The following KIF4A variants were observed in gnomAD, a reference collection of about 807,000 sequenced individuals.
KIF4A encodes chromosome-associated kinesin KIF4A.
KIF4A carries 7 observed loss-of-function variants against 105.9 expected under a neutral mutation model. That is an observed-to-expected ratio of 0.07 (90% CI 0.04 to 0.12). The LOEUF (loss-of-function observed/expected upper bound fraction) is 0.12. Among genes scored for constraint, KIF4A ranks in the 10% least tolerant of loss-of-function variants. The probability of loss-of-function intolerance (pLI) is 1.00; values close to 1 mark genes in which losing one functional copy is unlikely to be tolerated. For missense variants in KIF4A, 558 were observed against 929.2 expected, an observed-to-expected ratio of 0.60 and a Z score of 5.19; for synonymous variants, 281 against 331.3, an observed-to-expected ratio of 0.85 and a Z score of 1.65.
Position 70,319,297 on chromosome X carries a change from C to T in KIF4A, c.779-10108C>T, listed in dbSNP as rs576383648. 1.3e-4 allele frequency among the ~76,000 whole-genome samples: 15 copies of T among 111,657 alleles called. No homozygotes were observed. In the South Asian group the frequency reaches 5.3e-3, roughly 39 times the overall value. The stretch of plus-strand genomic sequence containing the variant: ...AAAGAAAGAAAGAAATCCTTTAGTA[C>T]CTCAAGATCTTAACGATATTTTTTC... On this transcript the variant is annotated intron_variant, in intron 7 of 30. Transcript: ENST00000374403.
chrX:70,319,267 A>G (rs1209822228), intron 7 of KIF4A, among the ~76,000 whole-genome samples: 6 of 111,932 alleles, frequency 5.4e-5, no homozygotes, highest in South Asian at 3.8e-4. Context: ...CGTCTCAAAA[A>G]AAAGAAAGAA....
intron 9 of KIF4A, among the ~76,000 whole-genome samples, chrX:70,332,134 G>C (rs1009143063): frequency 8.9e-6 from 1 of 111,874 alleles, no homozygotes; most frequent in Non-Finnish European, 1.9e-5. Flanking sequence ...CTGTGCTTGA[G>C]GTAAATTTGG....
At chrX:70,297,882 T>C (rs1262706203) in intron 4 of KIF4A, among the ~76,000 whole-genome samples, 1 of 111,893 alleles carries the variant, frequency 8.9e-6, no homozygotes, top group Non-Finnish European at 1.9e-5. Context: ...ACTTATATAA[T>C]TTAAGCATGT....
intron 7 of KIF4A, among the ~76,000 whole-genome samples, chrX:70,321,277 C>CA (rs1174140459): frequency 8.9e-6 from 1 of 112,293 alleles, no homozygotes; most frequent in African/African-American, 3.2e-5. Flanking sequence ...CCCCCCAACA[C>CA]ACAATCAAAC....
At position 70,379,150 on chromosome X, in the gene KIF4A, G is replaced by A. The variant is rs188371513; in HGVS notation, c.2034+2940G>A. On this transcript the variant is annotated intron_variant, in intron 18 of 30. Transcript: ENST00000374403. ...TGCACTCCAGCCTGGGCAACAGAGC[G>A]AGACTCCATCTCAAAAAAAAAAGAA... Among the ~76,000 whole-genome samples the A allele has an allele frequency of 9.9e-4, 104 of 104,680 alleles. 1 individual carries two copies. The highest frequency in any genetic ancestry group is 2.7e-3 in the Admixed American group (26 of 9,590). The allele number at this position is 104,680 out of a possible 115,157, so 90.9% of individuals were successfully genotyped here.
At chrX:70,296,741 C>CT (rs1390674844) in intron 3 of KIF4A, among the ~76,000 whole-genome samples, 1 of 112,378 alleles carries the variant, frequency 8.9e-6, no homozygotes, top group East Asian at 2.8e-4. Context: ...TGTTTGATTT[C>CT]TTAGCTTCTA....
At chrX:70,352,568 C>T in intron 13 of KIF4A, 32 bp from the exon 14 acceptor site, 28 of 1,142,931 alleles carry the variant, frequency 2.4e-5, no homozygotes, top group Non-Finnish European at 3.3e-5. Flanking sequence ...ACTTCAGACT[C>T]TTTCCCTAAA....
intron 15 of KIF4A, among the ~76,000 whole-genome samples, chrX:70,372,875 T>A (rs1019231639): frequency 8.9e-6 from 1 of 112,802 alleles, no homozygotes; most frequent in Non-Finnish European, 1.9e-5. Context: ...TATTAATTAT[T>A]GACATAGATA....
chrX:70,298,776 A>T (rs1190527264), intron 4 of KIF4A, among the ~76,000 whole-genome samples: 1 of 112,517 alleles, frequency 8.9e-6, no homozygotes, highest in Non-Finnish European at 1.9e-5. Context: ...CATTTTAACA[A>T]AATGGGTGAA....
intron 18 of KIF4A, among the ~76,000 whole-genome samples, chrX:70,384,743 T>G (rs780978609): frequency 7.3e-5 from 8 of 109,921 alleles, no homozygotes; most frequent in African/African-American, 2.6e-4. Flanking sequence ...TTTGTCTGCA[T>G]AGAGGTGAAA....
chrX:70,419,897 G>A, intron 30 of KIF4A, 114 bp downstream of exon 30: 1 of 1,064,847 alleles, frequency 9.4e-7, no homozygotes, highest in Non-Finnish European at 1.3e-6. Context: ...TCAGCTTGCT[G>A]GGAACTAGGG....
chrX:70,405,768 T>C (rs1239941373), intron 25 of KIF4A, 60 bp from the exon 26 acceptor site: 7 of 844,144 alleles, frequency 8.3e-6, no homozygotes, highest in Non-Finnish European at 1.2e-5. Context: ...GTGAGTTGTT[T>C]GGTAACCCAC....
At chrX:70,356,208 G>A (rs759487180) in intron 15 of KIF4A, among the ~76,000 whole-genome samples, 1 of 110,459 alleles carries the variant, frequency 9.1e-6, no homozygotes, top group South Asian at 3.9e-4. Flanking sequence ...TGAGCACAGG[G>A]AGGTGGAGGC....
At chrX:70,413,308 A>C (rs2086329743) in intron 28 of KIF4A, among the ~76,000 whole-genome samples, 1 of 112,152 alleles carries the variant, frequency 8.9e-6, no homozygotes, top group Non-Finnish European at 1.9e-5. Context: ...GTGAAGTCAT[A>C]GAGAATGTGG....
At chrX:70,401,430 T>TTGCTC (rs2086281995) in intron 22 of KIF4A, among the ~76,000 whole-genome samples, 1 of 103,065 alleles carries the variant, frequency 9.7e-6, no homozygotes, top group African/African-American at 3.6e-5. Context: ...AGATGGAGTA[T>TTGCTC]TGCTCTGTCT....
At chrX:70,354,197 C>T (rs2147706185) in intron 15 of KIF4A, among the ~76,000 whole-genome samples, 1 of 112,692 alleles carries the variant, frequency 8.9e-6, no homozygotes, top group African/African-American at 3.2e-5. Flanking sequence ...TGACAAATGG[C>T]TAAACTTTTT....
At position 70,299,142 on chromosome X, in the gene KIF4A, A is replaced by G; in HGVS notation, c.456A>G (p.Leu152=). The change falls in exon 5 of 31, where the codon CTA becomes CTG. Residue 152 remains leucine, a synonymous_variant. Coordinates refer to ENST00000374403, the MANE Select transcript of KIF4A (RefSeq NM_012310.5). Reference sequence around the variant, plus strand: ...ACAATGAAGAAATTTTGGATCTTCTATGCCCATCTCGTGAGAAAGCTCAAA... The same window carrying G: ...ACAATGAAGAAATTTTGGATCTTCTGTGCCCATCTCGTGAGAAAGCTCAAA... ...EIYNEEILDL[L]CPSREKAQIN... 8.3e-7 allele frequency: 1 copy of G among 1,207,865 alleles called. No individual in the cohort carries two copies. Among genetic ancestry groups the G allele is most frequent in the Non-Finnish European group, 1.1e-6 (1 of 893,136 alleles).
chrX:70,362,061 A>G (rs924940782), intron 15 of KIF4A: 3 of 160,653 alleles, frequency 1.9e-5, no homozygotes, highest in Non-Finnish European at 3.6e-5. Flanking sequence ...GGTAAATGTC[A>G]CCATGGACAA....
chrX:70,407,014 G>A lies in KIF4A; in HGVS notation c.3194G>A (p.Gly1065Glu), dbSNP rs368393092. The change falls in exon 28 of 31, where the codon GGG (glycine) becomes GAG (glutamate). Residue 1065 changes from glycine to glutamate, a missense_variant. By Grantham distance (98) the Gly-to-Glu change is moderately conservative. Around this residue, in one of 2 missense-constraint regions of KIF4A, gnomAD observed 469 missense variants for 680.4 expected, o/e 0.69. Transcript: ENST00000374403. ...GATGGTGATGGTGATGATGATGAGG[G>A]GGATGACGAGGAATGGAAGCCAACA... is the stretch of plus-strand genomic sequence containing the variant. ...HEDGDGDDDE[G>E]DDEEWKPTKL... is the part of the protein sequence containing the mutation. The A allele has an allele frequency of 1.7e-6, 2 of 1,208,933 alleles. No homozygotes were observed. The highest frequency in any genetic ancestry group is 2.2e-6 in the Non-Finnish European group (2 of 894,017).
Sources: allele counts gnomAD v4.1 joint callset (sites outside exome capture counted in the v4.1 genomes callset), GRCh38; gene constraint gnomAD v4.1.1; regional missense constraint gnomAD v4.1.1; transcripts MANE v1.5; gene names NCBI Gene and HGNC (gene_info 2026-07-23, HGNC 2026-07-21).